The following AFAP1 variants were observed in gnomAD, a reference collection of about 807,000 sequenced individuals.
AFAP1 encodes the protein actin filament-associated protein 1.
Under a neutral mutation model 93.9 loss-of-function variants are expected in AFAP1, and 75 were observed. The observed-to-expected ratio is 0.80, with a 90% CI of 0.66 to 0.97. AFAP1 has a LOEUF of 0.97. AFAP1 is among the 50% of genes least tolerant of loss of function. The pLI is 0.00. For missense variants in AFAP1, 1,201 were observed against 1,050.8 expected (o/e 1.14, Z -1.98); for synonymous variants, 517 against 430.7 (o/e 1.20, Z -2.48).
chr4:7,913,188 A>G (rs953930105), intron 1 of AFAP1, among the ~76,000 whole-genome samples: 6 of 152,334 alleles, frequency 3.9e-5, no homozygotes, highest in African/African-American at 1.4e-4. Context: ...CAGGAATTCC[A>G]GACCAGCCTG....
intron 17 of AFAP1, among the ~76,000 whole-genome samples, chr4:7,764,499 G>T (rs1353863566): frequency 1.3e-5 from 2 of 152,200 alleles, no homozygotes; most frequent in African/African-American, 4.8e-5. Context: ...GCAACAATGG[G>T]AATGTGCTTA....
At chr4:7,911,377 C>T (rs896345848) in intron 1 of AFAP1, among the ~76,000 whole-genome samples, 4 of 152,200 alleles carry the variant, frequency 2.6e-5, no homozygotes, top group Non-Finnish European at 5.9e-5. Flanking sequence ...ACCCGGGCCT[C>T]GCCCATGTTG....
rs372059550 is a variant in AFAP1, at chr4:7,786,280, G to C, written c.1444C>G (p.Pro482Ala). 8 of 1,613,982 alleles carry C rather than the reference G, an allele frequency of 5.0e-6. No homozygotes were observed. The highest frequency in any genetic ancestry group is 1.6e-4 in the Middle Eastern group (1 of 6,084). The part of the protein sequence containing the change: ...FMNRRVISAN[P>A]YLGGTSNGYA... ...CCGTTGGAGGTGCCCCCTAGATATG[G>C]GTTAGCAGATATAACACGCCTGTTC... is the stretch of plus-strand genomic sequence containing the variant. The change falls in exon 12 of 18, where the codon CCA becomes GCA. Residue 482 changes from proline (P) to alanine (A), a missense_variant. By Grantham distance (27) the Pro-to-Ala change is conservative. Coordinates refer to ENST00000420658, the MANE Select transcript of AFAP1 (RefSeq NM_001134647.2).
chr4:7,809,480 C>T (rs934438475), intron 9 of AFAP1, 134 bp downstream of exon 9: 2 of 1,066,756 alleles, frequency 1.9e-6, no homozygotes, highest in Non-Finnish European at 2.6e-6. Flanking sequence ...TTCCCACTAT[C>T]TGAATGATTC....
At chr4:7,789,329 C>T (rs563643697) in intron 11 of AFAP1, among the ~76,000 whole-genome samples, 2 of 152,172 alleles carry the variant, frequency 1.3e-5, no homozygotes, top group Admixed American at 6.5e-5. Flanking sequence ...AATAACCTCC[C>T]GGGACTCCGA....
At chr4:7,832,102 A>G (rs898325225) in intron 6 of AFAP1, among the ~76,000 whole-genome samples, 9 of 152,182 alleles carry the variant, frequency 5.9e-5, no homozygotes, top group Non-Finnish European at 1.3e-4. Flanking sequence ...TTAAGAAGCA[A>G]TGATGGCAGA....
Position 7,939,502 on chromosome 4 carries a change from G to A in AFAP1, c.-3+154C>T, listed in dbSNP as rs1310272510. ...CCCCCGCGCGGGCCCACGCGGCGTC[G>A]CAGCAGGCGCGGAGCCCCCGGTACC... On this transcript the variant is annotated intron_variant, in intron 1 of 17. Coordinates refer to ENST00000420658, the MANE Select transcript of AFAP1 (RefSeq NM_001134647.2). The surrounding 1 kb of genome is among the most constrained non-coding windows in gnomAD (Gnocchi z 5.6). The A allele has an allele frequency of 3.1e-6, 1 of 322,138 alleles. No individual in the cohort carries two copies. Among genetic ancestry groups the A allele is most frequent in the Non-Finnish European group, 6.0e-6 (1 of 166,266 alleles). The allele number at this position is 322,138 out of a possible 1,614,324, so 20.0% of individuals were successfully genotyped here.
chr4:7,888,775 T>C (rs1718271251), intron 1 of AFAP1, among the ~76,000 whole-genome samples: 1 of 151,310 alleles, frequency 6.6e-6, no homozygotes, highest in South Asian at 2.1e-4. Flanking sequence ...ACAGAAAAAT[T>C]GTTAACAGTT....
At chr4:7,906,569 G>A (rs1011424499) in intron 1 of AFAP1, among the ~76,000 whole-genome samples, 1 of 152,060 alleles carries the variant, frequency 6.6e-6, no homozygotes, top group Non-Finnish European at 1.5e-5. Flanking sequence ...TATCACTCCG[G>A]CCCAGTGCTC....
chr4:7,770,338 G>A (rs917077202), intron 16 of AFAP1, among the ~76,000 whole-genome samples: 13 of 152,174 alleles, frequency 8.5e-5, no homozygotes, highest in African/African-American at 2.7e-4. Context: ...CAGCTGTGCC[G>A]AAGGGCACCG....
chr4:7,763,019 A>C lies in AFAP1; in HGVS notation c.*746T>G, dbSNP rs1343933188. 6.6e-6 allele frequency: 1 copy of C among 152,098 alleles called. No individual in the cohort carries two copies. The highest frequency in any genetic ancestry group is 1.5e-5 in the Non-Finnish European group (1 of 68,042). The allele number at this position is 152,098 out of a possible 1,614,324, so 9.4% of individuals were successfully genotyped here. A position where few individuals can be genotyped will look rare whatever the true frequency, so the allele number is the denominator to read the frequency against. ...CTCTGCTACCTGTCAAAAGCAGCAC[A>C]AATAATTAATTAATAAAATAAGGAA... On this transcript the variant is annotated 3_prime_UTR_variant, in exon 18 of 18. Coordinates refer to ENST00000420658, the MANE Select transcript of AFAP1 (RefSeq NM_001134647.2).
intron 11 of AFAP1, among the ~76,000 whole-genome samples, chr4:7,790,627 T>C (rs1341783051): frequency 6.6e-6 from 1 of 151,366 alleles, no homozygotes; most frequent in Non-Finnish European, 1.5e-5. Flanking sequence ...GGGCAGATTT[T>C]GCAAAAATAG....
intron 6 of AFAP1, among the ~76,000 whole-genome samples, chr4:7,826,436 G>A (rs1721427989): frequency 6.6e-6 from 1 of 152,230 alleles, no homozygotes; most frequent in Non-Finnish European, 1.5e-5. Flanking sequence ...ATCCACAGCT[G>A]GAGACAGAGC....
intron 8 of AFAP1, among the ~76,000 whole-genome samples, chr4:7,813,956 A>G (rs1217540726): frequency 6.6e-6 from 1 of 152,106 alleles, no homozygotes; most frequent in African/African-American, 2.4e-5. Context: ...TGGATTACTC[A>G]GCTGAGCAGC....
Position 7,843,255 on chromosome 4 carries a change from C to G in AFAP1, c.430G>C (p.Glu144Gln). Reference sequence around the variant, plus strand: ...TTGACCAGGTCCATGGAGGCCTCCTCGGAGGGCCACTGGTGCCGGGTTTTC... The same window carrying G: ...TTGACCAGGTCCATGGAGGCCTCCTGGGAGGGCCACTGGTGCCGGGTTTTC... ...GKKTRHQWPS[E>Q]EASMDLVKDA... The change falls in exon 5 of 18, where the codon GAG becomes CAG. Residue 144 changes from glutamate (E) to glutamine (Q), a missense_variant. Transcript: ENST00000420658. 6.2e-7 allele frequency: 1 copy of G among 1,614,178 alleles called. No homozygotes were observed. Among genetic ancestry groups the G allele is most frequent in the Non-Finnish European group, 8.5e-7 (1 of 1,180,022 alleles).
chr4:7,787,000 C>T (rs1369625330), intron 11 of AFAP1, among the ~76,000 whole-genome samples: 1 of 152,254 alleles, frequency 6.6e-6, no homozygotes, highest in African/African-American at 2.4e-5. Flanking sequence ...CCGCTGACAG[C>T]GGCCCGAGAA....
Position 7,770,092 on chromosome 4 carries a change from G to A in AFAP1, c.2254-1084C>T, listed in dbSNP as rs150750839. Among the ~76,000 whole-genome samples, 531 of 152,324 alleles carry A rather than the reference G, an allele frequency of 3.5e-3. 1 individual carries two copies. Among genetic ancestry groups the A allele is most frequent in the African/African-American group, 0.012 (506 of 41,580 alleles). On this transcript the variant is annotated intron_variant, in intron 16 of 17. Coordinates refer to ENST00000420658, the MANE Select transcript of AFAP1 (RefSeq NM_001134647.2). ...CGGTGCAGAGTGCTTCCCCAGATGC[G>A]GGGACAGAGGATGGCACCAAGGACA...
At chr4:7,823,529 C>G (rs1383670415) in intron 6 of AFAP1, among the ~76,000 whole-genome samples, 1 of 152,190 alleles carries the variant, frequency 6.6e-6, no homozygotes, top group Non-Finnish European at 1.5e-5. Flanking sequence ...CACACCCTGG[C>G]TAAGCTCCTG....
chr4:7,936,483 C>T (rs1033086757), intron 1 of AFAP1, among the ~76,000 whole-genome samples: 8 of 151,746 alleles, frequency 5.3e-5, no homozygotes, highest in Non-Finnish European at 1.2e-4. Context: ...AACCACAGCA[C>T]CTGGCCTTAC....
Sources: gnomAD v4.1 joint callset for allele counts (sites outside exome capture counted in the v4.1 genomes callset) on GRCh38, gnomAD v4.1.1 for gene constraint, Gnocchi (gnomAD v3.1) non-coding constraint, MANE v1.5 for transcripts, NCBI Gene and HGNC (gene_info 2026-07-23, HGNC 2026-07-21) for gene names.